MEG3: variants seen among roughly 807,000 people sequenced by gnomAD.
MEG3 encodes the protein Very putative protein from MEG3 locus.
At chr14:100,833,076 C>T (rs2037444051), downstream of MEG3, 1 of 152,198 alleles carries the variant, frequency 6.6e-6, no homozygotes, top group African/African-American at 2.4e-5. Context: ...CATGGAATGC[C>T]TAGCCAGGTG....
chr14:100,835,749 C>T (rs4906022), exon 1 of MEG3: 40,431 of 173,858 alleles, frequency 0.23, 5,102 homozygotes, highest in Admixed American at 0.31. Context: ...GTTCCCAGTG[C>T]CCCCGACAAG....
At chr14:100,860,323 T>G in exon 1 of MEG3, 1 of 249,056 alleles carries the variant, frequency 4.0e-6, no homozygotes, top group Non-Finnish European at 8.0e-6. Context: ...GCTGGATAGG[T>G]TGGGCAGAAG....
Position 100,858,611 on chromosome 14 carries a change from C to A in MEG3, n.1367C>A, listed in dbSNP as rs1027796175. On this transcript the variant is annotated non_coding_transcript_exon_variant, in exon 1 of 2. Coordinates refer to the MEG3 transcript ENST00000398460. Reference sequence around the variant, plus strand: ...CTGTTGCTGCCCCGGCTCTCTTCCACCCGCCTCTTCTTTCTCAGCCTGAGC... The same window carrying A: ...CTGTTGCTGCCCCGGCTCTCTTCCAACCGCCTCTTCTTTCTCAGCCTGAGC... 4 of 152,938 alleles carry A rather than the reference C, an allele frequency of 2.6e-5. No individual in the cohort carries two copies. In the Admixed American group the frequency reaches 2.6e-4, roughly 10 times the overall value. 9.5% of individuals were successfully genotyped at this position (152,938 alleles called of 1,614,324 possible). A position where few individuals can be genotyped will look rare whatever the true frequency, so the allele number is the denominator to read the frequency against.
chr14:100,843,907 T>G (rs2037835806), intron 2 of MEG3, among the ~76,000 whole-genome samples: 1 of 150,362 alleles, frequency 6.7e-6, no homozygotes, highest in South Asian at 2.1e-4. Context: ...TGGCGCAATC[T>G]TGGCTCACTG....
At chr14:100,857,501 G>C (rs1057076729) in exon 1 of MEG3, 1 of 152,234 alleles carries the variant, frequency 6.6e-6, no homozygotes, top group African/African-American at 2.4e-5. Flanking sequence ...TGAATAAAAA[G>C]TCAGCCCTGA....
chr14:100,836,185 G>C (rs754079969), exon 2 of MEG3: 38 of 456,122 alleles, frequency 8.3e-5, no homozygotes, highest in Middle Eastern at 3.3e-4. Flanking sequence ...GCCGTGGCCC[G>C]GCTGGGTCGG....
intron 3 of MEG3, chr14:100,846,734 A>G (rs1386547458): frequency 6.6e-6 from 1 of 152,238 alleles, no homozygotes; most frequent in African/African-American, 2.4e-5. Context: ...TGGCTAGGCA[A>G]TCAATATATA....
exon 1 of MEG3, chr14:100,834,676 C>T (rs2037503934): frequency 2.2e-6 from 1 of 456,462 alleles, no homozygotes; most frequent in Admixed American, 2.4e-5. Context: ...AGCCCCGTGT[C>T]TCCTCAGGGT....
At chr14:100,832,333 A>G (rs1450524671), downstream of MEG3, 1 of 152,186 alleles carries the variant, frequency 6.6e-6, no homozygotes, top group South Asian at 2.1e-4. Context: ...TTTACCTCCC[A>G]CATCCTGGTA....
intron 3 of MEG3, chr14:100,847,465 A>T (rs1471160621): frequency 1.3e-5 from 2 of 152,240 alleles, no homozygotes; most frequent in Non-Finnish European, 2.9e-5. Context: ...GAAATAGGAA[A>T]CAATGTAACA....
At chr14:100,852,621 C>A (rs144981880), upstream of MEG3, 18 of 342,594 alleles carry the variant, frequency 5.3e-5, no homozygotes, top group Non-Finnish European at 1.1e-4. Flanking sequence ...GAGGATGGGG[C>A]GGGAGGGGTT....
chr14:100,849,111 G>T (rs1345011536), intron 3 of MEG3: 1 of 152,204 alleles, frequency 6.6e-6, no homozygotes, highest in Non-Finnish European at 1.5e-5. Flanking sequence ...ATGACAGGAT[G>T]TATATAAGCA....
At chr14:100,831,478 C>T (rs2037395173), downstream of MEG3, 2 of 152,734 alleles carry the variant, frequency 1.3e-5, no homozygotes, top group African/African-American at 4.8e-5. Context: ...CCTCCAATTT[C>T]CTCTTCAACC....
chr14:100,832,675 GCTT>G (rs1363993296), downstream of MEG3: 2 of 152,600 alleles, frequency 1.3e-5, no homozygotes, highest in Non-Finnish European at 2.9e-5. Context: ...GGGCGATGTG[GCTT>G]CTTAAGCCAC....
intron 3 of MEG3, chr14:100,847,978 G>T (rs746342950): frequency 6.6e-6 from 1 of 152,154 alleles, no homozygotes; most frequent in Admixed American, 6.5e-5. Flanking sequence ...ACGTGGAACC[G>T]CACGGCCAAG....
chr14:100,827,955 C>T (rs2037288813), intron 1 of MEG3, among the ~76,000 whole-genome samples: 1 of 152,172 alleles, frequency 6.6e-6, no homozygotes, highest in Admixed American at 6.5e-5. Context: ...CTGGGTGGCC[C>T]ACCTTCCTCT....
At position 100,837,367 on chromosome 14, in the gene MEG3, C is replaced by T. The variant is rs1411915411; in HGVS notation, n.3045+1067C>T. On this transcript the variant is annotated intron_variant and non_coding_transcript_variant, in intron 2 of 3. Transcript: ENST00000398461. The surrounding 1 kb of genome is among the most constrained non-coding windows in gnomAD (Gnocchi z 5.8). ...ATCCTGGCACCCCTCATATATGACG[C>T]CCCTGGGGTGGCCATTGTGGTGAAT... is the stretch of plus-strand genomic sequence containing the variant. Among the ~76,000 whole-genome samples, 1 of 152,178 alleles carries T rather than the reference C, an allele frequency of 6.6e-6. No individual in the cohort carries two copies. Among genetic ancestry groups the T allele is most frequent in the African/African-American group, 2.4e-5 (1 of 41,448 alleles).
upstream of MEG3, chr14:100,855,720 C>G (rs1292285326): frequency 6.6e-6 from 1 of 152,232 alleles, no homozygotes; most frequent in Admixed American, 6.5e-5. Context: ...AGCTGGCTCC[C>G]AAGGACCCGC....
At chr14:100,846,683 T>A (rs2037926770) in intron 3 of MEG3, 1 of 152,162 alleles carries the variant, frequency 6.6e-6, no homozygotes, top group Non-Finnish European at 1.5e-5. Flanking sequence ...CAAGCCAGGA[T>A]GAGAGTGTGT....
Sources: allele counts gnomAD v4.1 joint callset (sites outside exome capture counted in the v4.1 genomes callset), GRCh38; gene constraint gnomAD v4.1.1; non-coding constraint Gnocchi (gnomAD v3.1); transcripts MANE v1.5; gene names NCBI Gene and HGNC (gene_info 2026-07-23, HGNC 2026-07-21).